Variants in CALCRL observed in about 807,000 individuals in gnomAD.
The protein encoded by CALCRL is calcitonin receptor like receptor.
A neutral mutation model predicts 60.4 loss-of-function variants in CALCRL; 27 were observed. The observed-to-expected ratio is 0.45, with a 90% CI of 0.33 to 0.62. The LOEUF (loss-of-function observed/expected upper bound fraction) is 0.62, where lower values mean the gene tolerates loss of function less well. Among genes scored for constraint, CALCRL ranks in the 20% least tolerant of loss-of-function variants. The pLI, the probability that CALCRL is intolerant of heterozygous loss-of-function variation, is 0.03. For missense variants in CALCRL, 424 were observed against 540.7 expected, an observed-to-expected ratio of 0.78 and a Z score of 2.14; for synonymous variants, 190 against 182.6, an observed-to-expected ratio of 1.04 and a Z score of -0.33.
chr2:187,422,674 G>A (rs2080532982), intron 1 of CALCRL, among the ~76,000 whole-genome samples: 1 of 151,896 alleles, frequency 6.6e-6, no homozygotes, highest in East Asian at 1.9e-4. Context: ...ATGTCCAGAA[G>A]ACATTACCTA....
intron 1 of CALCRL, among the ~76,000 whole-genome samples, chr2:187,388,173 A>G (rs1290367322): frequency 6.6e-6 from 1 of 152,030 alleles, no homozygotes; most frequent in African/African-American, 2.4e-5. Flanking sequence ...ATAGTCATAT[A>G]ATTCCACAAA....
At chr2:187,380,642 G>A (rs749647214) in intron 6 of CALCRL, 35 bp downstream of exon 6, 3 of 1,577,700 alleles carry the variant, frequency 1.9e-6, no homozygotes, top group Non-Finnish European at 2.6e-6. Flanking sequence ...TTAAATAGAT[G>A]TCAAGGAGAT....
chr2:187,350,307 T>C (rs1686468763), intron 14 of CALCRL, among the ~76,000 whole-genome samples: 1 of 151,690 alleles, frequency 6.6e-6, no homozygotes, highest in African/African-American at 2.4e-5. Flanking sequence ...TTACATCCTA[T>C]ACAAGTAGCA....
At position 187,349,188 on chromosome 2, in the gene CALCRL, G is replaced by T. The variant is rs759381643; in HGVS notation, c.1170+2732C>A. ...GTGTTGTTAAATATAACCTTCTGAT[G>T]ACTAGAGTCCCTAGTTTATGATCAC... is the stretch of plus-strand genomic sequence containing the variant. On this transcript the variant is annotated intron_variant, in intron 14 of 14. Coordinates refer to ENST00000392370, the MANE Select transcript of CALCRL (RefSeq NM_005795.6). 2.0e-4 allele frequency among the ~76,000 whole-genome samples: 30 copies of T among 151,674 alleles called. 1 individual carries two copies. The highest frequency in any genetic ancestry group is 8.3e-4 in the South Asian group (4 of 4,816).
intron 1 of CALCRL, among the ~76,000 whole-genome samples, chr2:187,437,689 CA>C (rs974268662): frequency 1.3e-5 from 2 of 151,986 alleles, no homozygotes; most frequent in African/African-American, 2.4e-5. Flanking sequence ...ATAACTTTAT[CA>C]AAAATATGTT....
chr2:187,435,965 G>C (rs765885301), intron 1 of CALCRL, among the ~76,000 whole-genome samples: 2 of 151,484 alleles, frequency 1.3e-5, no homozygotes, highest in Non-Finnish European at 2.9e-5. Context: ...AAGTTCCTAA[G>C]ATTTTTAAGT....
At chr2:187,367,837 T>TTC (rs1687362543) in intron 8 of CALCRL, among the ~76,000 whole-genome samples, 1 of 152,110 alleles carries the variant, frequency 6.6e-6, no homozygotes, top group Non-Finnish European at 1.5e-5. Context: ...TTTTTACATA[T>TTC]AATTATTTTA....
rs371195669 is a variant in CALCRL, at chr2:187,380,744, G to A, written c.228C>T (p.Asn76=). 7.4e-6 allele frequency: 12 copies of A among 1,613,930 alleles called. No individual in the cohort carries two copies. Among genetic ancestry groups the A allele is most frequent in the African/African-American group, 5.3e-5 (4 of 74,908 alleles). ...TTGATTCAGTTCCTGCTGCAACATC[G>A]TTCCAGCAGAGCCATCCATCCCAGG... is the stretch of plus-strand genomic sequence containing the variant. ...NRTWDGWLCW[N]DVAAGTESMQ... is the part of the protein sequence containing the mutation. Residue 76 remains asparagine (N), a synonymous_variant, in exon 6 of 15, where the codon AAC becomes AAT. Transcript: ENST00000392370.
chr2:187,430,690 A>G (rs1306072777), intron 1 of CALCRL, among the ~76,000 whole-genome samples: 1 of 152,080 alleles, frequency 6.6e-6, no homozygotes, highest in Non-Finnish European at 1.5e-5. Flanking sequence ...TAATATTTAG[A>G]GTCATTTAAA....
chr2:187,349,448 T>C (rs931713533), intron 14 of CALCRL, among the ~76,000 whole-genome samples: 2 of 151,644 alleles, frequency 1.3e-5, no homozygotes, highest in African/African-American at 4.8e-5. Flanking sequence ...GTACATGACA[T>C]AGTTGGAACA....
chr2:187,415,997 A>G (rs908276249), intron 1 of CALCRL, among the ~76,000 whole-genome samples: 7 of 152,128 alleles, frequency 4.6e-5, no homozygotes, highest in Non-Finnish European at 1.0e-4. Context: ...GGAGGGGCCT[A>G]GGGAGCCTGA....
At position 187,380,780 on chromosome 2, in the gene CALCRL, G is replaced by A; in HGVS notation, c.192C>T (p.Tyr64=). 1 of 1,612,636 alleles carries A rather than the reference G, an allele frequency of 6.2e-7. No individual in the cohort carries two copies. Among genetic ancestry groups the A allele is most frequent in the Non-Finnish European group, 8.5e-7 (1 of 1,178,846 alleles). Reference sequence around the variant, plus strand: ...GCCATCCATCCCAGGTTCTGTTGCAGTAAACGCCTTAGTGGGGAAATAATA... The same window carrying A: ...GCCATCCATCCCAGGTTCTGTTGCAATAAACGCCTTAGTGGGGAAATAATA... ...QDPIQQAEGV[Y]CNRTWDGWLC... is the part of the protein sequence containing the mutation. Residue 64 remains tyrosine, a synonymous_variant, in exon 6 of 15, where the codon TAC becomes TAT. Coordinates refer to ENST00000392370, the MANE Select transcript of CALCRL (RefSeq NM_005795.6).
At chr2:187,439,670 A>C (rs1690805978) in intron 1 of CALCRL, among the ~76,000 whole-genome samples, 1 of 152,186 alleles carries the variant, frequency 6.6e-6, no homozygotes, top group African/African-American at 2.4e-5. Context: ...GCTCTTTAGA[A>C]GAGTTCACAT....
intron 4 of CALCRL, 112 bp downstream of exon 4, chr2:187,385,433 G>A (rs1688166072): frequency 3.0e-5 from 18 of 608,362 alleles, no homozygotes; most frequent in Middle Eastern, 6.8e-4. Flanking sequence ...GTATCAATTG[G>A]ATATAAAAAT....
At chr2:187,420,777 G>C (rs956847987) in intron 1 of CALCRL, among the ~76,000 whole-genome samples, 5 of 152,066 alleles carry the variant, frequency 3.3e-5, no homozygotes, top group Non-Finnish European at 5.9e-5. Flanking sequence ...TCTAGTCTTG[G>C]TTTATTGATA....
intron 8 of CALCRL, among the ~76,000 whole-genome samples, 174 bp downstream of exon 8, chr2:187,378,766 A>G (rs1017188855): frequency 3.9e-5 from 6 of 152,158 alleles, no homozygotes; most frequent in African/African-American, 1.2e-4. Context: ...AAGATATTTC[A>G]TCAGTCTCCT....
chr2:187,426,821 G>C (rs1414521686), intron 1 of CALCRL, among the ~76,000 whole-genome samples: 3 of 151,962 alleles, frequency 2.0e-5, no homozygotes, highest in East Asian at 1.9e-4. Context: ...AATCAGGCAG[G>C]CTGGTTTTAA....
intron 8 of CALCRL, among the ~76,000 whole-genome samples, chr2:187,369,938 G>A (rs889518255): frequency 5.3e-5 from 8 of 152,174 alleles, no homozygotes; most frequent in African/African-American, 1.9e-4. Context: ...ATGTGACAGA[G>A]TACAAGGTAA....
chr2:187,350,525 C>G (rs1686481548), intron 14 of CALCRL, among the ~76,000 whole-genome samples: 1 of 150,824 alleles, frequency 6.6e-6, no homozygotes, highest in South Asian at 2.1e-4. Context: ...GAAATATAGT[C>G]TACAATGTGT....
Sources: allele counts gnomAD v4.1 joint callset (sites outside exome capture counted in the v4.1 genomes callset), GRCh38; gene constraint gnomAD v4.1.1; transcripts MANE v1.5; gene names NCBI Gene and HGNC (gene_info 2026-07-23, HGNC 2026-07-21).